The following DPP6 variants were observed in gnomAD, a reference collection of about 807,000 sequenced individuals.
The protein encoded by DPP6 is A-type potassium channel modulatory protein DPP6.
DPP6 carries 69 observed loss-of-function variants against 122.6 expected under a neutral mutation model. The ratio of observed to expected loss-of-function variants is 0.56; its 90% confidence interval spans 0.46 to 0.69. The LOEUF is 0.69. DPP6 is among the 30% of genes least tolerant of loss of function. The probability of loss-of-function intolerance (pLI) is 0.00; values close to 1 mark genes in which losing one functional copy is unlikely to be tolerated. For synonymous variants in DPP6, 418 were observed against 433.1 expected, an observed-to-expected ratio of 0.97 and a Z score of 0.43; for missense variants, 928 against 1,116.9, an observed-to-expected ratio of 0.83 and a Z score of 2.41.
intron 1 of DPP6, among the ~76,000 whole-genome samples, chr7:154,213,997 C>T (rs1028534206): frequency 6.6e-6 from 1 of 152,276 alleles, no homozygotes; most frequent in Non-Finnish European, 1.5e-5. Flanking sequence ...TTATCGACTT[C>T]CTCCTTTTCC....
chr7:154,843,269 T>G (rs11980775), intron 16 of DPP6, among the ~76,000 whole-genome samples: 20,131 of 152,170 alleles, frequency 0.13, 1,346 homozygotes, highest in South Asian at 0.22. Flanking sequence ...GCCAATGTAC[T>G]CCAGCCTGGG....
intron 1 of DPP6, among the ~76,000 whole-genome samples, chr7:154,214,219 G>C (rs1005740148): frequency 6.6e-6 from 1 of 152,158 alleles, no homozygotes; most frequent in Non-Finnish European, 1.5e-5. Context: ...AAGACCAAAG[G>C]CTCTCGAAAA....
At chr7:153,958,903 A>T (rs1378138984) in intron 1 of DPP6, among the ~76,000 whole-genome samples, 2 of 151,680 alleles carry the variant, frequency 1.3e-5, no homozygotes, top group African/African-American at 4.8e-5. Context: ...AAGCGCTTGG[A>T]ACACAGTCTG....
At chr7:154,002,589 T>C (rs1797736921) in intron 1 of DPP6, among the ~76,000 whole-genome samples, 1 of 152,124 alleles carries the variant, frequency 6.6e-6, no homozygotes, top group African/African-American at 2.4e-5. Context: ...TGAGTGCAGA[T>C]AGGAGATGGA....
At position 154,624,435 on chromosome 7, in the gene DPP6, C is replaced by T. The variant is rs1004484812; in HGVS notation, c.628-13386C>T. Among the ~76,000 whole-genome samples, 3 of 151,946 alleles carry T rather than the reference C, an allele frequency of 2.0e-5. No homozygotes were observed. Among genetic ancestry groups the T allele is most frequent in the South Asian group, 2.1e-4 (1 of 4,812 alleles). Reference sequence around the variant, plus strand: ...TGTACCCAGGAGACAGAGATTGCGCCGCTGCCTTCCAACCTGGGCAACAAG... The same window carrying T: ...TGTACCCAGGAGACAGAGATTGCGCTGCTGCCTTCCAACCTGGGCAACAAG... On this transcript the variant is annotated intron_variant, in intron 5 of 25. Transcript: ENST00000377770. The surrounding 1 kb of genome is among the most constrained non-coding windows in gnomAD (Gnocchi z 4.7).
At chr7:154,284,628 G>T (rs1487484254) in intron 1 of DPP6, among the ~76,000 whole-genome samples, 2 of 152,232 alleles carry the variant, frequency 1.3e-5, no homozygotes, top group Non-Finnish European at 2.9e-5. Flanking sequence ...GCCGAGACAG[G>T]CTGATCACTT....
At chr7:154,634,630 C>CTCCTCCTCTTCT (rs1835619838) in intron 5 of DPP6, among the ~76,000 whole-genome samples, 1 of 147,844 alleles carries the variant, frequency 6.8e-6, no homozygotes. Flanking sequence ...TCTCCTCCTC[C>CTCCTCCTCTTCT]TCCTCCTCTT....
intron 5 of DPP6, among the ~76,000 whole-genome samples, chr7:154,610,226 C>T (rs7777629): frequency 0.37 from 56,905 of 152,044 alleles, 11,490 homozygotes; most frequent in Non-Finnish European, 0.46. Context: ...ATTCTGAGTA[C>T]CAAATGAGTG....
At chr7:154,015,105 A>G (rs570367325) in intron 1 of DPP6, among the ~76,000 whole-genome samples, 1 of 152,260 alleles carries the variant, frequency 6.6e-6, no homozygotes, top group African/African-American at 2.4e-5. Flanking sequence ...TCTCAAACCC[A>G]AGGAAATCTA....
chr7:154,524,101 A>G (rs1827216910), intron 3 of DPP6, among the ~76,000 whole-genome samples: 2 of 152,232 alleles, frequency 1.3e-5, no homozygotes, highest in African/African-American at 4.8e-5. Flanking sequence ...TGAAGTACCA[A>G]CAAAGCAGGC....
At chr7:154,286,441 G>A (rs912374936) in intron 1 of DPP6, among the ~76,000 whole-genome samples, 2 of 152,228 alleles carry the variant, frequency 1.3e-5, no homozygotes, top group South Asian at 2.1e-4. Flanking sequence ...GCAACCAAGA[G>A]CTTGCTTAGG....
At chr7:154,424,458 G>A (rs1328768968) in intron 1 of DPP6, among the ~76,000 whole-genome samples, 2 of 152,110 alleles carry the variant, frequency 1.3e-5, no homozygotes, top group East Asian at 1.9e-4. Flanking sequence ...CTTGGCTCAC[G>A]GCTCTTTCCT....
chr7:153,902,923 G>A (rs1386262785), intron 1 of DPP6, among the ~76,000 whole-genome samples: 1 of 152,158 alleles, frequency 6.6e-6, no homozygotes, highest in African/African-American at 2.4e-5. Context: ...ATTTTCAACA[G>A]GAAGAAGTAA....
the DPP6 span, among the ~76,000 whole-genome samples, chr7:153,794,824 A>G: frequency 6.6e-6 from 1 of 152,172 alleles, no homozygotes; most frequent in African/African-American, 2.4e-5. Context: ...CATAATAGTG[A>G]ATAAGTCTTG....
chr7:153,907,484 A>C (rs1010826752), intron 1 of DPP6, among the ~76,000 whole-genome samples: 1 of 152,240 alleles, frequency 6.6e-6, no homozygotes, highest in African/African-American at 2.4e-5. Flanking sequence ...TGTGATAGCT[A>C]AATTTATGTG....
At chr7:154,588,010 G>T (rs775339340) in intron 5 of DPP6, 1 of 1,612,814 alleles carries the variant, frequency 6.2e-7, no homozygotes, top group South Asian at 1.1e-5. Context: ...CAGGTGTGAG[G>T]CATCGCATCT....
At chr7:153,944,133 C>G (rs1479829618) in intron 1 of DPP6, among the ~76,000 whole-genome samples, 1 of 152,136 alleles carries the variant, frequency 6.6e-6, no homozygotes, top group Non-Finnish European at 1.5e-5. Flanking sequence ...ATCGTAAAGC[C>G]CTGGAGCACG....
chr7:154,385,546 T>G (rs543519610), intron 1 of DPP6, among the ~76,000 whole-genome samples: 1 of 152,284 alleles, frequency 6.6e-6, no homozygotes, highest in South Asian at 2.1e-4. Context: ...CTGGCCCTTG[T>G]TGTGTTATCC....
intron 1 of DPP6, among the ~76,000 whole-genome samples, chr7:154,261,137 G>A (rs373803262): frequency 3.0e-4 from 45 of 152,046 alleles, no homozygotes; most frequent in African/African-American, 9.4e-4. Flanking sequence ...CTTGTGTTCC[G>A]CCTGCCTCAG....
Sources: allele counts gnomAD v4.1 joint callset (sites outside exome capture counted in the v4.1 genomes callset), GRCh38; gene constraint gnomAD v4.1.1; non-coding constraint Gnocchi (gnomAD v3.1); transcripts MANE v1.5; gene names NCBI Gene and HGNC (gene_info 2026-07-23, HGNC 2026-07-21).